The following RFX3 variants were observed in gnomAD, a reference collection of about 807,000 sequenced individuals.
RFX3 encodes regulatory factor X3.
RFX3 carries 14 observed loss-of-function variants against 98.6 expected under a neutral mutation model. The observed-to-expected ratio is 0.14, with a 90% CI of 0.09 to 0.22. The LOEUF (loss-of-function observed/expected upper bound fraction) is 0.22. RFX3 is among the 10% of genes least tolerant of loss of function. The pLI is 1.00. For synonymous variants in RFX3, 383 were observed against 328.4 expected, an observed-to-expected ratio of 1.17 and a Z score of -1.80; for missense variants, 639 against 926.9, an observed-to-expected ratio of 0.69 and a Z score of 4.03.
At chr9:3,437,517 A>G (rs1178010066) in intron 1 of RFX3, among the ~76,000 whole-genome samples, 1 of 152,098 alleles carries the variant, frequency 6.6e-6, no homozygotes, top group African/African-American at 2.4e-5. Flanking sequence ...TAATAAAGCT[A>G]GTCCAAGGAA....
At chr9:3,293,587 C>A (rs1827648491) in intron 5 of RFX3, among the ~76,000 whole-genome samples, 1 of 152,078 alleles carries the variant, frequency 6.6e-6, no homozygotes, top group African/African-American at 2.4e-5. Context: ...GTTAACTGGT[C>A]ATAAATATCA....
At chr9:3,339,503 C>A (rs1833617050) in intron 3 of RFX3, among the ~76,000 whole-genome samples, 1 of 152,182 alleles carries the variant, frequency 6.6e-6, no homozygotes, top group African/African-American at 2.4e-5. Flanking sequence ...CATCTCAATT[C>A]AGTTTCATTC....
intron 1 of RFX3, among the ~76,000 whole-genome samples, chr9:3,446,363 T>C (rs1846048838): frequency 6.6e-6 from 1 of 152,090 alleles, no homozygotes; most frequent in Admixed American, 6.6e-5. Flanking sequence ...CCTATTAAAA[T>C]AGTTTATTTA....
In RFX3 at chr9:3,224,790, G is replaced by A; in HGVS notation, c.*252C>T. On this transcript the variant is annotated 3_prime_UTR_variant, in exon 17 of 17. Transcript: ENST00000617270. ...TAAGAAAACAAAACATTGACATTAA[G>A]TGTTGTAAAAATCCTTCTTGACACC... is the stretch of plus-strand genomic sequence containing the variant. The A allele has an allele frequency of 2.7e-6, 1 of 368,578 alleles. No homozygotes were observed. Among genetic ancestry groups the A allele is most frequent in the Admixed American group, 4.2e-5 (1 of 23,828 alleles). 22.8% of individuals were successfully genotyped at this position (368,578 alleles called of 1,614,324 possible). A position where few individuals can be genotyped will look rare whatever the true frequency, so the allele number is the denominator to read the frequency against.
chr9:3,275,258 G>T, intron 9 of RFX3, among the ~76,000 whole-genome samples: 1 of 151,968 alleles, frequency 6.6e-6, no homozygotes, highest in East Asian at 1.9e-4. Flanking sequence ...CTACGCCAAA[G>T]GATTCATATT....
intron 4 of RFX3, among the ~76,000 whole-genome samples, chr9:3,326,390 T>C (rs780785679): frequency 2.0e-5 from 3 of 152,166 alleles, no homozygotes; most frequent in African/African-American, 4.8e-5. Context: ...GTTACATAAG[T>C]AAATGTGTGG....
At chr9:3,414,533 G>A (rs117537547) in intron 1 of RFX3, among the ~76,000 whole-genome samples, 17 of 149,872 alleles carry the variant, frequency 1.1e-4, no homozygotes, top group Non-Finnish European at 1.9e-4. Context: ...ATGTGTGTGT[G>A]TGTATATATA....
chr9:3,313,440 T>C (rs1830199125), intron 4 of RFX3, among the ~76,000 whole-genome samples: 1 of 152,052 alleles, frequency 6.6e-6, no homozygotes, highest in Admixed American at 6.6e-5. Context: ...AGCTGAAAAT[T>C]CTAAAAATCA....
At position 3,250,472 on chromosome 9, in the gene RFX3, C is replaced by T. The variant is rs117844289; in HGVS notation, c.1815-2287G>A. On this transcript the variant is annotated intron_variant, in intron 14 of 16. Transcript: ENST00000617270. ...GAGGTTAAAAGACCCAATGTTATAG[C>T]TGGTTTGGAAAAACTCTCCTTTACT... Among the ~76,000 whole-genome samples the T allele has an allele frequency of 1.0e-2, 1,520 of 152,110 alleles. 19 individuals are homozygous for T. Among genetic ancestry groups the T allele is most frequent in the Non-Finnish European group, 0.015 (1,036 of 67,908 alleles).
chr9:3,498,883 C>T (rs531936720), intron 1 of RFX3, among the ~76,000 whole-genome samples: 1 of 152,016 alleles, frequency 6.6e-6, no homozygotes, highest in African/African-American at 2.4e-5. Context: ...AAAGGGTATG[C>T]TGTGCTTTCA....
Position 3,314,063 on chromosome 9 carries a change from A to G in RFX3, c.475-12443T>C, listed in dbSNP as rs201004657. On this transcript the variant is annotated intron_variant, in intron 4 of 16. Coordinates refer to ENST00000617270, the MANE Select transcript of RFX3 (RefSeq NM_001282116.2). The stretch of plus-strand genomic sequence containing the variant: ...CTCGAGAAGAACAACTCCAAGACAC[A>G]TAATTGTCAGATTCACCAAAGTTGA... Among the ~76,000 whole-genome samples the G allele has an allele frequency of 1.6e-4, 24 of 152,332 alleles. No individual in the cohort carries two copies. The South Asian group carries it at 2.3e-3, about 14-fold the overall frequency.
At chr9:3,225,487 T>C (rs962150161) in intron 16 of RFX3, among the ~76,000 whole-genome samples, 11 of 152,122 alleles carry the variant, frequency 7.2e-5, no homozygotes, top group African/African-American at 2.7e-4. Flanking sequence ...TCAAACATAG[T>C]GAGATTAATT....
At chr9:3,282,893 C>T (rs1033924711) in intron 7 of RFX3, among the ~76,000 whole-genome samples, 1 of 151,686 alleles carries the variant, frequency 6.6e-6, no homozygotes, top group African/African-American at 2.4e-5. Context: ...GTTTCCTTAT[C>T]AGTAAGTAAC....
chr9:3,321,906 T>C (rs1831364785), intron 4 of RFX3, among the ~76,000 whole-genome samples: 1 of 152,126 alleles, frequency 6.6e-6, no homozygotes, highest in Non-Finnish European at 1.5e-5. Flanking sequence ...ACTTCTCAAC[T>C]CACAGGCAAT....
intron 2 of RFX3, among the ~76,000 whole-genome samples, chr9:3,372,595 T>G (rs1837984461): frequency 6.7e-6 from 1 of 150,066 alleles, no homozygotes; most frequent in African/African-American, 2.5e-5. Context: ...TCACACAGGC[T>G]GGAGTGCGGT....
At chr9:3,467,947 T>G (rs1469523071) in intron 1 of RFX3, among the ~76,000 whole-genome samples, 2 of 152,200 alleles carry the variant, frequency 1.3e-5, no homozygotes, top group Admixed American at 6.5e-5. Flanking sequence ...CAACCATGGC[T>G]TCTGGGTATG....
At chr9:3,378,731 T>C (rs1056275263) in intron 2 of RFX3, among the ~76,000 whole-genome samples, 2 of 151,854 alleles carry the variant, frequency 1.3e-5, no homozygotes, top group Non-Finnish European at 2.9e-5. Flanking sequence ...TAATTTTGTG[T>C]TTTGAGTAGA....
chr9:3,311,054 T>C (rs1038665982), intron 4 of RFX3, among the ~76,000 whole-genome samples: 5 of 152,250 alleles, frequency 3.3e-5, no homozygotes, highest in Non-Finnish European at 5.9e-5. Flanking sequence ...AACAGTTACC[T>C]AATGTATAAC....
intron 1 of RFX3, among the ~76,000 whole-genome samples, chr9:3,427,088 T>C (rs1844117048): frequency 6.6e-6 from 1 of 151,622 alleles, no homozygotes; most frequent in Non-Finnish European, 1.5e-5. Context: ...ATGAGCCTTT[T>C]TCAGCTAAAC....
Sources: gnomAD v4.1 joint callset for allele counts (sites outside exome capture counted in the v4.1 genomes callset) on GRCh38, gnomAD v4.1.1 for gene constraint, MANE v1.5 for transcripts, NCBI Gene and HGNC (gene_info 2026-07-23, HGNC 2026-07-21) for gene names.